MSN: variants seen among roughly 807,000 people sequenced by gnomAD.
MSN encodes the protein moesin, also known as epididymis luminal protein 70.
MSN carries 2 observed loss-of-function variants against 48.0 expected under a neutral mutation model. That is an observed-to-expected ratio of 0.04 (90% CI 0.02 to 0.13). The LOEUF (loss-of-function observed/expected upper bound fraction) is 0.13, where lower values mean the gene tolerates loss of function less well. MSN is among the 10% of genes least tolerant of loss of function. MSN has a pLI of 1.00. For synonymous variants in MSN, 146 were observed against 166.9 expected, an observed-to-expected ratio of 0.87 and a Z score of 0.97; for missense variants, 267 against 470.1, an observed-to-expected ratio of 0.57 and a Z score of 3.99.
chrX:65,604,179 C>A (rs767513368), intron 1 of MSN, among the ~76,000 whole-genome samples: 15 of 111,930 alleles, frequency 1.3e-4, no homozygotes, highest in African/African-American at 3.6e-4. Context: ...CCAAGGCAGG[C>A]TGGTTTTAGA....
intron 1 of MSN, among the ~76,000 whole-genome samples, chrX:65,627,042 T>C (rs1229250803): frequency 9.0e-6 from 1 of 111,206 alleles, no homozygotes; most frequent in African/African-American, 3.3e-5. Flanking sequence ...TTCAGCTGCC[T>C]TTTTTCCCTT....
intron 1 of MSN, among the ~76,000 whole-genome samples, chrX:65,618,328 A>T (rs1162250749): frequency 4.5e-5 from 5 of 110,737 alleles, no homozygotes; most frequent in Admixed American, 1.9e-4. Context: ...CCCATTATTA[A>T]TGTGTGGGAG....
intron 1 of MSN, among the ~76,000 whole-genome samples, chrX:65,628,261 G>C (rs1386975180): frequency 8.9e-6 from 1 of 112,989 alleles, no homozygotes; most frequent in East Asian, 2.8e-4. Flanking sequence ...TTCTCTATGA[G>C]GGCTCCGCCC....
At chrX:65,666,434 C>T (rs1028468921), upstream of MSN, among the ~76,000 whole-genome samples, 2 of 110,368 alleles carry the variant, frequency 1.8e-5, no homozygotes, top group African/African-American at 6.6e-5. Flanking sequence ...TCAAGCGATT[C>T]TCCCTCCTCA....
At chrX:65,675,487 T>TTGA (rs1403231225) in intron 1 of MSN, among the ~76,000 whole-genome samples, 1 of 110,911 alleles carries the variant, frequency 9.0e-6, no homozygotes, top group Non-Finnish European at 1.9e-5. Flanking sequence ...GAAGGGAGGC[T>TTGA]TGAGCTGCTG....
At chrX:65,654,535 G>A (rs750281678) in intron 1 of MSN, among the ~76,000 whole-genome samples, 1 of 110,591 alleles carries the variant, frequency 9.0e-6, no homozygotes, top group Admixed American at 9.8e-5. Flanking sequence ...TTAATCAACT[G>A]ATTTACCTAA....
chrX:65,602,595 G>A (rs768260413), intron 1 of MSN, among the ~76,000 whole-genome samples: 7 of 111,087 alleles, frequency 6.3e-5, no homozygotes, highest in Admixed American at 5.8e-4. Flanking sequence ...GTTTTGTCTC[G>A]GTGTCAGGCA....
intron 1 of MSN, among the ~76,000 whole-genome samples, chrX:65,603,230 G>T (rs2070252325): frequency 8.9e-6 from 1 of 111,994 alleles, no homozygotes; most frequent in African/African-American, 3.2e-5. Flanking sequence ...GGAGGTGTAG[G>T]TTGCAGCAAG....
intron 1 of MSN, among the ~76,000 whole-genome samples, chrX:65,650,856 G>A (rs1438887091): frequency 9.0e-6 from 1 of 111,708 alleles, no homozygotes; most frequent in Non-Finnish European, 1.9e-5. Flanking sequence ...GTCTTTTCCA[G>A]CTTATTGAGA....
chrX:65,736,191 T>C lies in MSN; in HGVS notation c.960-604T>C, dbSNP rs1418605306. Among the ~76,000 whole-genome samples, 5 of 111,394 alleles carry C rather than the reference T, an allele frequency of 4.5e-5. No individual in the cohort carries two copies. In the East Asian group the frequency reaches 1.4e-3, roughly 31 times the overall value. ...TAGGGCAGGTCTTATTGGACCATTT[T>C]CAAGATAGGGGAACAAGAGCAAAGC... On this transcript the variant is annotated intron_variant, in intron 8 of 12. Transcript: ENST00000360270.
intron 1 of MSN, among the ~76,000 whole-genome samples, chrX:65,716,307 G>A (rs1419040738): frequency 2.7e-5 from 3 of 111,267 alleles, no homozygotes; most frequent in East Asian, 2.8e-4. Flanking sequence ...ACAAAGTCTC[G>A]CTCTGTTGCC....
intron 1 of MSN, among the ~76,000 whole-genome samples, chrX:65,606,759 G>A (rs2070282326): frequency 8.9e-6 from 1 of 112,684 alleles, no homozygotes; most frequent in Admixed American, 9.4e-5. Context: ...ACCTCCATGA[G>A]AACAGGGACT....
Position 65,741,296 on chromosome X carries a change from C to G in MSN, c.*1403C>G, listed in dbSNP as rs2071734025. 1 of 165,621 alleles carries G rather than the reference C, an allele frequency of 6.0e-6. No homozygotes were observed. The highest frequency in any genetic ancestry group is 3.0e-5 in the African/African-American group (1 of 33,189). 13.6% of individuals were successfully genotyped at this position (165,621 alleles called of 1,213,427 possible). ...TCTTCTTTCTACAGTATTATGTACT[C>G]TACTGATATCTAAATATTGATTTCT... On this transcript the variant is annotated 3_prime_UTR_variant, in exon 13 of 13. Coordinates refer to ENST00000360270, the MANE Select transcript of MSN (RefSeq NM_002444.3).
intron 1 of MSN, among the ~76,000 whole-genome samples, chrX:65,674,895 T>TTATA (rs993083994): frequency 8.9e-6 from 1 of 111,952 alleles, no homozygotes; most frequent in Non-Finnish European, 1.9e-5. Flanking sequence ...GACCAACTAG[T>TTATA]TATATAGCCT....
At chrX:65,719,019 A>G (rs2071492853) in intron 2 of MSN, among the ~76,000 whole-genome samples, 1 of 111,784 alleles carries the variant, frequency 8.9e-6, no homozygotes, top group Non-Finnish European at 1.9e-5. Flanking sequence ...TCTGAGGAAT[A>G]TTTAAATACA....
intron 1 of MSN, among the ~76,000 whole-genome samples, chrX:65,622,375 C>T (rs996471982): frequency 2.7e-5 from 3 of 110,498 alleles, no homozygotes; most frequent in Admixed American, 9.8e-5. Flanking sequence ...GCTGGGATTA[C>T]AGGCATGAGC....
intron 1 of MSN, among the ~76,000 whole-genome samples, chrX:65,644,402 A>T (rs2070680001): frequency 9.0e-6 from 1 of 111,604 alleles, no homozygotes; most frequent in Admixed American, 9.6e-5. Flanking sequence ...CTGATTCAAG[A>T]TCATACAGTT....
intron 1 of MSN, among the ~76,000 whole-genome samples, chrX:65,637,210 G>A (rs1017421340): frequency 8.2e-5 from 9 of 109,459 alleles, no homozygotes; most frequent in East Asian, 2.9e-4. Context: ...CGAGACCAGC[G>A]TGACCAACAT....
chrX:65,734,922 A>G (rs1279205402), intron 7 of MSN, among the ~76,000 whole-genome samples: 1 of 112,203 alleles, frequency 8.9e-6, no homozygotes, highest in Non-Finnish European at 1.9e-5. Context: ...ATGTTCCCTA[A>G]TTAGCAGAGA....
Sources: allele counts gnomAD v4.1 joint callset (sites outside exome capture counted in the v4.1 genomes callset), GRCh38; gene constraint gnomAD v4.1.1; transcripts MANE v1.5; gene names NCBI Gene and HGNC (gene_info 2026-07-23, HGNC 2026-07-21).